Variants in CERT1 observed in about 807,000 individuals in gnomAD.
CERT1 encodes ceramide transporter 1, also known as ceramide transfer protein.
A neutral mutation model predicts 87.9 loss-of-function variants in CERT1; 31 were observed. That is an observed-to-expected ratio of 0.35 (90% CI 0.27 to 0.48). The LOEUF is 0.48. CERT1 is among the 20% of genes least tolerant of loss of function. The probability of loss-of-function intolerance (pLI) is 0.99; values close to 1 mark genes in which losing one functional copy is unlikely to be tolerated. For synonymous variants in CERT1, 289 were observed against 250.9 expected (o/e 1.15, Z -1.44); for missense variants, 487 against 758.0 (o/e 0.64, Z 4.20).
Position 75,413,665 on chromosome 5 carries a change from C to CCA in CERT1, c.838-2563_838-2562insTG, listed in dbSNP as rs561374619. Among the ~76,000 whole-genome samples the CCA allele has an allele frequency of 1.3e-3, 200 of 150,320 alleles. 2 individuals carry two copies. Among genetic ancestry groups the CCA allele is most frequent in the African/African-American group, 4.6e-3 (191 of 41,124 alleles). ...CCCCAAAATCAAACAACACCAACAC[C>CCA]TATACACACACACACACACAGACGC... On this transcript the variant is annotated intron_variant, in intron 7 of 16. Transcript: ENST00000643780.
intron 17 of CERT1, chr5:75,371,366 TGATA>T (rs1167897870): frequency 6.6e-6 from 1 of 152,202 alleles, no homozygotes. Flanking sequence ...GACAAATAAC[TGATA>T]AGCTTAAAGA....
At chr5:75,434,953 C>A (rs1764027146) in intron 3 of CERT1, among the ~76,000 whole-genome samples, 1 of 151,990 alleles carries the variant, frequency 6.6e-6, no homozygotes, top group African/African-American at 2.4e-5. Flanking sequence ...TGTTGATTTT[C>A]TGCACAGATT....
At chr5:75,506,263 A>C (rs975039458) in intron 1 of CERT1, 147 bp from the exon 2 acceptor site, 1 of 591,866 alleles carries the variant, frequency 1.7e-6, no homozygotes, top group Non-Finnish European at 2.7e-6. Context: ...TAAAATGATT[A>C]CAAAAAGTGA....
chr5:75,481,261 T>C (rs1255298168), intron 2 of CERT1, among the ~76,000 whole-genome samples: 1 of 152,206 alleles, frequency 6.6e-6, no homozygotes, highest in Non-Finnish European at 1.5e-5. Context: ...GACTCATTCC[T>C]TTCCCACCTT....
At chr5:75,510,347 T>C (rs897210133) in intron 1 of CERT1, among the ~76,000 whole-genome samples, 3 of 152,208 alleles carry the variant, frequency 2.0e-5, no homozygotes, top group Non-Finnish European at 4.4e-5. Context: ...TGCAGTCCTA[T>C]AATGACTGCT....
intron 2 of CERT1, among the ~76,000 whole-genome samples, chr5:75,490,483 C>A (rs956998809): frequency 6.7e-6 from 1 of 149,878 alleles, no homozygotes; most frequent in Non-Finnish European, 1.5e-5. Context: ...TTCTTCAACA[C>A]CTGTACGAAA....
chr5:75,444,073 T>G (rs1764433563), intron 3 of CERT1, among the ~76,000 whole-genome samples: 1 of 152,194 alleles, frequency 6.6e-6, no homozygotes, highest in Non-Finnish European at 1.5e-5. Context: ...GTTGATCATT[T>G]TTTTTGTTTG....
rs10942738 is a variant in CERT1, at chr5:75,465,384, C to A, written c.232-6203G>T. On this transcript the variant is annotated intron_variant, in intron 2 of 16. Coordinates refer to ENST00000643780, the MANE Select transcript of CERT1 (RefSeq NM_001379029.1). ...AAGACTTAAAATTGTCTAAGTCTAG[C>A]ATCTCTTTTCTGTTTTTACAAATAA... is the stretch of plus-strand genomic sequence containing the variant. Among the ~76,000 whole-genome samples the A allele has an allele frequency of 5.1e-3, 775 of 152,290 alleles. 2 individuals are homozygous for A. The highest frequency in any genetic ancestry group is 8.7e-3 in the Non-Finnish European group (592 of 68,030).
intron 3 of CERT1, among the ~76,000 whole-genome samples, chr5:75,453,414 A>G (rs1034576637): frequency 1.3e-5 from 2 of 152,202 alleles, no homozygotes; most frequent in African/African-American, 4.8e-5. Context: ...TATGAGGAAC[A>G]AACAGAAAAT....
At chr5:75,385,782 G>T in intron 13 of CERT1, 120 bp downstream of exon 13, 1 of 712,512 alleles carries the variant, frequency 1.4e-6, no homozygotes, top group Non-Finnish European at 2.0e-6. Flanking sequence ...TCCTCTATAT[G>T]ATTTTCCAAA....
intron 1 of CERT1, among the ~76,000 whole-genome samples, chr5:75,507,498 C>T (rs1437018385): frequency 1.3e-5 from 2 of 152,164 alleles, no homozygotes; most frequent in Non-Finnish European, 2.9e-5. Flanking sequence ...GGCTCCCAAT[C>T]ACCATTTCCT....
intron 3 of CERT1, among the ~76,000 whole-genome samples, chr5:75,428,266 T>C (rs192806111): frequency 1.1e-4 from 16 of 152,276 alleles, no homozygotes; most frequent in African/African-American, 3.6e-4. Context: ...TTAACTTTAA[T>C]ATTCTAGGAT....
At chr5:75,487,688 GAC>G (rs1345355067) in intron 2 of CERT1, among the ~76,000 whole-genome samples, 2 of 151,924 alleles carry the variant, frequency 1.3e-5, no homozygotes, top group Non-Finnish European at 2.9e-5. Context: ...TTACTCAAAA[GAC>G]AACATACACT....
intron 1 of CERT1, among the ~76,000 whole-genome samples, chr5:75,510,896 C>T (rs1021297244): frequency 6.6e-6 from 1 of 152,176 alleles, no homozygotes; most frequent in South Asian, 2.1e-4. Context: ...CAGGTTTATA[C>T]ACCCTTTCCC....
chr5:75,398,235 T>C (rs571209260), intron 11 of CERT1, among the ~76,000 whole-genome samples: 3 of 152,282 alleles, frequency 2.0e-5, no homozygotes, highest in Non-Finnish European at 2.9e-5. Context: ...ACTTTATTTA[T>C]AAACATAAAA....
rs757595450 is a variant in CERT1 at position 75,403,034 on chromosome 5, C to G, written c.955G>C (p.Glu319Gln). The change falls in exon 9 of 17, where the codon GAA (glutamate) becomes CAA (glutamine). Residue 319 changes from glutamate (E) to glutamine (Q), a missense_variant. By Grantham distance (29) the Glu-to-Gln change is conservative. Coordinates refer to ENST00000643780, the MANE Select transcript of CERT1 (RefSeq NM_001379029.1). ...YEEGPNSLIN[E>Q]EEFFDAVEAA... ...TCAACAGCATCAAAGAACTCTTCTT[C>G]ATTAATCAGACTGTTAGGGCCTTCC... 1.9e-6 allele frequency: 3 copies of G among 1,613,234 alleles called. No individual in the cohort carries two copies. The Admixed American group carries it at 5.0e-5, about 27-fold the overall frequency.
chr5:75,416,171 T>G, intron 7 of CERT1, among the ~76,000 whole-genome samples: 1 of 152,200 alleles, frequency 6.6e-6, no homozygotes, highest in East Asian at 1.9e-4. Context: ...TGCCTCTAAC[T>G]CTATTACTTT....
intron 2 of CERT1, among the ~76,000 whole-genome samples, chr5:75,492,673 A>G (rs1766853941): frequency 6.6e-6 from 1 of 152,156 alleles, no homozygotes; most frequent in South Asian, 2.1e-4. Context: ...GAACTTTTAC[A>G]TCGATTGTTG....
intron 7 of CERT1, among the ~76,000 whole-genome samples, chr5:75,414,625 ACTT>A (rs1763066902): frequency 6.6e-6 from 1 of 152,162 alleles, no homozygotes; most frequent in Non-Finnish European, 1.5e-5. Flanking sequence ...AATTAAGTAC[ACTT>A]CTTCTACAGT....
Sources: allele counts gnomAD v4.1 joint callset (sites outside exome capture counted in the v4.1 genomes callset), GRCh38; gene constraint gnomAD v4.1.1; transcripts MANE v1.5; gene names NCBI Gene and HGNC (gene_info 2026-07-23, HGNC 2026-07-21).